The following UBOX5 variants were observed in gnomAD, a reference collection of about 807,000 sequenced individuals.
UBOX5 encodes the protein RING finger protein 37.
Under a neutral mutation model 39.0 loss-of-function variants are expected in UBOX5, and 28 were observed. The observed-to-expected ratio is 0.72, with a 90% CI of 0.53 to 0.98. UBOX5 has a LOEUF of 0.98. UBOX5 is among the 50% of genes least tolerant of loss of function. UBOX5 has a pLI of 0.00. For missense variants in UBOX5, 585 were observed against 674.4 expected, an observed-to-expected ratio of 0.87 and a Z score of 1.47; for synonymous variants, 283 against 275.5, an observed-to-expected ratio of 1.03 and a Z score of -0.27.
chr20:3,143,321 C>G (rs960630240), intron 1 of UBOX5, among the ~76,000 whole-genome samples: 2 of 151,730 alleles, frequency 1.3e-5, no homozygotes, highest in Non-Finnish European at 2.9e-5. Flanking sequence ...AGGCTGGTCT[C>G]AAACTCCTGG....
At chr20:3,114,115 CA>C (rs1346674025) in intron 4 of UBOX5, among the ~76,000 whole-genome samples, 1 of 152,078 alleles carries the variant, frequency 6.6e-6, no homozygotes, top group African/African-American at 2.4e-5. Context: ...GCTAGGGCAA[CA>C]GGGGCAAGAC....
chr20:3,125,952 C>A (rs149883360), intron 1 of UBOX5, among the ~76,000 whole-genome samples: 1 of 152,226 alleles, frequency 6.6e-6, no homozygotes, highest in South Asian at 2.1e-4. Flanking sequence ...TCTGCCTGGC[C>A]GCTGTGCAAT....
At chr20:3,120,446 A>G (rs989482876) in intron 3 of UBOX5, among the ~76,000 whole-genome samples, 2 of 151,354 alleles carry the variant, frequency 1.3e-5, no homozygotes. Context: ...CAGGAGATTG[A>G]GACCATCCTA....
chr20:3,158,721 G>A (rs1290089784), intron 1 of UBOX5, among the ~76,000 whole-genome samples: 1 of 151,806 alleles, frequency 6.6e-6, no homozygotes, highest in African/African-American at 2.4e-5. Flanking sequence ...TGATCCGCCC[G>A]CCTTGACCTC....
chr20:3,127,623 G>A (rs2066400758), intron 1 of UBOX5, among the ~76,000 whole-genome samples: 1 of 151,866 alleles, frequency 6.6e-6, no homozygotes. Context: ...GTCTGCATTT[G>A]TAGCAGTCTG....
chr20:3,118,255 C>T (rs938432228), intron 3 of UBOX5, among the ~76,000 whole-genome samples: 1 of 151,736 alleles, frequency 6.6e-6, no homozygotes, highest in Admixed American at 6.6e-5. Flanking sequence ...GGTAGATAAC[C>T]TGAGGTCAGG....
At chr20:3,150,633 A>C (rs1314843037) in intron 1 of UBOX5, 2 of 152,218 alleles carry the variant, frequency 1.3e-5, no homozygotes, top group Non-Finnish European at 2.9e-5. Flanking sequence ...AAAAGTTCCA[A>C]GGGTGCCAGA....
rs2148595178 is a variant in UBOX5, at chr20:3,122,216, A to T, written c.423T>A (p.Pro141=). ...FSHRGFKARP[P]FGAMEATLPS... is the part of the protein sequence containing the mutation. ...GGAGTGTGGCTTCCATCGCGCCAAAAGGGGGCCTGGCCTTGAAGCCCCTGT... is the reference window on the plus strand; with the variant it reads ...GGAGTGTGGCTTCCATCGCGCCAAATGGGGGCCTGGCCTTGAAGCCCCTGT... Residue 141 remains proline, a synonymous_variant, in exon 3 of 5, where the codon CCT becomes CCA. Coordinates refer to ENST00000217173, the MANE Select transcript of UBOX5 (RefSeq NM_014948.4). The T allele has an allele frequency of 1.2e-6, 2 of 1,614,212 alleles. No homozygotes were observed. The highest frequency in any genetic ancestry group is 2.2e-5 in the East Asian group (1 of 44,886).
chr20:3,128,871 GTAAAA>G (rs1383007283), intron 1 of UBOX5, among the ~76,000 whole-genome samples: 1 of 152,050 alleles, frequency 6.6e-6, no homozygotes, highest in Non-Finnish European at 1.5e-5. Context: ...AAAAAATAAA[GTAAAA>G]TAAAATAAGA....
intron 1 of UBOX5, among the ~76,000 whole-genome samples, chr20:3,130,127 G>A (rs924337344): frequency 6.6e-6 from 1 of 151,924 alleles, no homozygotes; most frequent in Admixed American, 6.6e-5. Context: ...CAGCTACTCA[G>A]GAGTATGGCT....
At chr20:3,113,991 G>A (rs1600358801) in intron 4 of UBOX5, among the ~76,000 whole-genome samples, 1 of 152,294 alleles carries the variant, frequency 6.6e-6, no homozygotes, top group East Asian at 1.9e-4. Flanking sequence ...AAAATTAGCT[G>A]GGCGTGGTGG....
chr20:3,153,536 T>C (rs941934322), intron 1 of UBOX5, among the ~76,000 whole-genome samples: 2 of 152,224 alleles, frequency 1.3e-5, no homozygotes, highest in Non-Finnish European at 2.9e-5. Flanking sequence ...AAAGACTGTC[T>C]GACTCTTCAG....
At chr20:3,141,646 C>CA (rs1428642581) in intron 1 of UBOX5, among the ~76,000 whole-genome samples, 1 of 150,404 alleles carries the variant, frequency 6.6e-6, no homozygotes, top group Non-Finnish European at 1.5e-5. Flanking sequence ...AACTCCGTCT[C>CA]AAAAAAATAA....
At chr20:3,118,640 C>T (rs1052582493) in intron 3 of UBOX5, among the ~76,000 whole-genome samples, 16 of 151,532 alleles carry the variant, frequency 1.1e-4, no homozygotes, top group African/African-American at 2.9e-4. Context: ...GGTGTGCTGG[C>T]GGGCGCCTGT....
chr20:3,111,914 C>T (rs1451762812), intron 4 of UBOX5, among the ~76,000 whole-genome samples: 6 of 152,216 alleles, frequency 3.9e-5, no homozygotes. Context: ...CACCAGGCAC[C>T]AAAGAAGGGA....
chr20:3,121,866 T>C lies in UBOX5; in HGVS notation c.773A>G (p.Asp258Gly). 7 of 1,613,984 alleles carry C rather than the reference T, an allele frequency of 4.3e-6. No homozygotes were observed. The highest frequency in any genetic ancestry group is 5.9e-6 in the Non-Finnish European group (7 of 1,180,010). The change falls in exon 3 of 5, where the codon GAT becomes GGT. Residue 258 changes from aspartate (D) to glycine (G), a missense_variant. By Grantham distance (94) the Asp-to-Gly change is moderately conservative. Transcript: ENST00000217173. Reference protein sequence around the residue: ...SLQKLAEIIQDVPEEFLDPIT... With the variant: ...SLQKLAEIIQGVPEEFLDPIT... ...GGGATCCAGGAACTCCTCAGGCACATCCTGAATGATCTCGGCCAGCTTCTG... is the reference window on the plus strand; with the variant it reads ...GGGATCCAGGAACTCCTCAGGCACACCCTGAATGATCTCGGCCAGCTTCTG...
At chr20:3,129,772 T>C (rs2066415709) in intron 1 of UBOX5, among the ~76,000 whole-genome samples, 1 of 152,220 alleles carries the variant, frequency 6.6e-6, no homozygotes, top group African/African-American at 2.4e-5. Context: ...AATTCAATAT[T>C]TTATGGTATG....
rs1204900398 is a variant in UBOX5, at chr20:3,108,828, G to A, written c.*1278C>T. The A allele has an allele frequency of 1.3e-5, 2 of 151,910 alleles. No homozygotes were observed. 9.4% of individuals were successfully genotyped at this position (151,910 alleles called of 1,614,324 possible). On this transcript the variant is annotated 3_prime_UTR_variant, in exon 5 of 5. Transcript: ENST00000217173. Reference sequence around the variant, plus strand: ...CATGCCTATAGTTCCTGCTACCTGGGAGGCTGAGGTAGAAGGATCCCTTAA... The same window carrying A: ...CATGCCTATAGTTCCTGCTACCTGGAAGGCTGAGGTAGAAGGATCCCTTAA...
At chr20:3,158,537 G>C (rs886983147) in intron 1 of UBOX5, among the ~76,000 whole-genome samples, 3 of 152,052 alleles carry the variant, frequency 2.0e-5, no homozygotes, top group South Asian at 2.1e-4. Context: ...GCAGTGGCGC[G>C]ATCTCGGCTC....
Sources: gnomAD v4.1 joint callset for allele counts (sites outside exome capture counted in the v4.1 genomes callset) on GRCh38, gnomAD v4.1.1 for gene constraint, MANE v1.5 for transcripts, NCBI Gene and HGNC (gene_info 2026-07-23, HGNC 2026-07-21) for gene names.